Variants in FHIT observed in about 807,000 individuals in gnomAD.
The protein encoded by FHIT is bis(5'-adenosyl)-triphosphatase.
A neutral mutation model predicts 17.9 loss-of-function variants in FHIT; 19 were observed. The ratio of observed to expected loss-of-function variants is 1.06; its 90% CI spans 0.74 to 1.56. The LOEUF (loss-of-function observed/expected upper bound fraction) is 1.56. Ranked by LOEUF, FHIT falls within the 40% of genes most tolerant of loss-of-function variation. The pLI is 0.00. For synonymous variants in FHIT, 81 were observed against 69.7 expected (o/e 1.16, Z -0.81); for missense variants, 248 against 189.2 (o/e 1.31, Z -1.82).
intron 5 of FHIT, among the ~76,000 whole-genome samples, chr3:60,448,760 T>C (rs1322011995): frequency 2.6e-5 from 4 of 152,200 alleles, no homozygotes; most frequent in African/African-American, 7.2e-5. Context: ...CTGAGCTTAA[T>C]ATAAAATTAA....
intron 7 of FHIT, among the ~76,000 whole-genome samples, chr3:59,983,207 A>G (rs802776): frequency 0.9 from 137,367 of 152,102 alleles, 62,187 homozygotes; most frequent in East Asian, 1. Flanking sequence ...CCAAAGTGCT[A>G]GGATTAGAGG....
At chr3:60,431,539 G>A (rs557415415) in intron 5 of FHIT, among the ~76,000 whole-genome samples, 2 of 152,138 alleles carry the variant, frequency 1.3e-5, no homozygotes, top group African/African-American at 4.8e-5. Flanking sequence ...TAATGTTTAT[G>A]CTTTCAATAT....
chr3:60,364,578 G>A (rs371696012), intron 5 of FHIT, among the ~76,000 whole-genome samples: 1 of 152,194 alleles, frequency 6.6e-6, no homozygotes, highest in African/African-American at 2.4e-5. Flanking sequence ...GGAAATTAAT[G>A]TCACAGGCAT....
chr3:60,724,012 T>A (rs9860076), intron 4 of FHIT, among the ~76,000 whole-genome samples: 30,312 of 152,204 alleles, frequency 0.2, 4,884 homozygotes, highest in African/African-American at 0.44. Context: ...CATATCATAC[T>A]GTTAATCAAT....
At chr3:60,150,257 A>T (rs552191058) in intron 5 of FHIT, among the ~76,000 whole-genome samples, 25 of 152,162 alleles carry the variant, frequency 1.6e-4, no homozygotes, top group Middle Eastern at 6.8e-3. Context: ...TTGGCCTCCC[A>T]AAGTGCTGGG....
chr3:60,426,191 C>T (rs1407483107), intron 5 of FHIT, among the ~76,000 whole-genome samples: 2 of 152,106 alleles, frequency 1.3e-5, no homozygotes, highest in African/African-American at 2.4e-5. Context: ...TAAAATAGAA[C>T]CTGACTCACA....
intron 3 of FHIT, among the ~76,000 whole-genome samples, chr3:60,826,908 G>C (rs924714125): frequency 6.6e-6 from 1 of 152,114 alleles, no homozygotes. Context: ...TTCTTCAGCA[G>C]ATTTCGCAAT....
At chr3:60,728,745 A>C (rs530483054) in intron 4 of FHIT, among the ~76,000 whole-genome samples, 1 of 151,796 alleles carries the variant, frequency 6.6e-6, no homozygotes, top group East Asian at 1.9e-4. Flanking sequence ...GGCATGCAAC[A>C]GTTGTCCTAA....
chr3:61,115,856 T>C (rs1041050816), intron 2 of FHIT, among the ~76,000 whole-genome samples: 3 of 152,048 alleles, frequency 2.0e-5, no homozygotes, highest in Non-Finnish European at 4.4e-5. Flanking sequence ...ATATGAGAGA[T>C]GCAAGAATGA....
chr3:61,045,979 C>T (rs1022882528), intron 2 of FHIT, among the ~76,000 whole-genome samples: 2 of 152,076 alleles, frequency 1.3e-5, no homozygotes, highest in African/African-American at 2.4e-5. Context: ...CTCTGGGACA[C>T]ATTCAAAGTA....
At chr3:61,063,286 C>T (rs1488167867) in intron 2 of FHIT, among the ~76,000 whole-genome samples, 1 of 137,846 alleles carries the variant, frequency 7.3e-6, no homozygotes, top group East Asian at 2.0e-4. Flanking sequence ...TTAAGTGAAC[C>T]ATGTACTAGT....
At chr3:60,336,395 C>T (rs1412928710) in intron 5 of FHIT, among the ~76,000 whole-genome samples, 2 of 152,160 alleles carry the variant, frequency 1.3e-5, no homozygotes, top group African/African-American at 4.8e-5. Flanking sequence ...CTCTTGAATG[C>T]CTATGAAAAG....
At chr3:60,136,471 C>A (rs372050361) in intron 5 of FHIT, among the ~76,000 whole-genome samples, 11 of 152,172 alleles carry the variant, frequency 7.2e-5, no homozygotes, top group African/African-American at 2.4e-4. Context: ...GACAATCTAA[C>A]CCCTGGTCTC....
intron 5 of FHIT, among the ~76,000 whole-genome samples, chr3:60,213,437 C>T (rs1703548251): frequency 6.6e-6 from 1 of 152,168 alleles, no homozygotes; most frequent in Non-Finnish European, 1.5e-5. Flanking sequence ...CTGGAACAAT[C>T]GCTGGGGCAT....
intron 5 of FHIT, among the ~76,000 whole-genome samples, chr3:60,122,063 TGA>T (rs1226718793): frequency 7.9e-6 from 1 of 125,882 alleles, no homozygotes; most frequent in Admixed American, 7.6e-5. Context: ...ATAGAAGAAA[TGA>T]GAGAATGCAC....
chr3:60,641,713 G>T (rs936011811), intron 4 of FHIT, among the ~76,000 whole-genome samples: 1 of 152,088 alleles, frequency 6.6e-6, no homozygotes, highest in Non-Finnish European at 1.5e-5. Flanking sequence ...ATCTCCATCT[G>T]AAGCCTATTC....
chr3:60,463,633 T>C (rs2032607938), intron 5 of FHIT, among the ~76,000 whole-genome samples: 1 of 152,178 alleles, frequency 6.6e-6, no homozygotes, highest in Non-Finnish European at 1.5e-5. Flanking sequence ...CAAACTGTAA[T>C]AAGGCATGAA....
chr3:60,029,351 G>C (rs1700885417), intron 5 of FHIT, among the ~76,000 whole-genome samples: 1 of 152,096 alleles, frequency 6.6e-6, no homozygotes, highest in African/African-American at 2.4e-5. Context: ...AAAATATTGG[G>C]TGGGGCAAAT....
chr3:61,079,479 C>T (rs899423278), intron 2 of FHIT, among the ~76,000 whole-genome samples: 5 of 151,664 alleles, frequency 3.3e-5, no homozygotes, highest in Non-Finnish European at 7.4e-5. Context: ...ATGGACTTCA[C>T]GAATCAAAAA....
Sources: allele counts gnomAD v4.1 joint callset (sites outside exome capture counted in the v4.1 genomes callset), GRCh38; gene constraint gnomAD v4.1.1; transcripts MANE v1.5; gene names NCBI Gene and HGNC (gene_info 2026-07-23, HGNC 2026-07-21).